LHFPL2: variants seen among roughly 807,000 people sequenced by gnomAD.
The protein encoded by LHFPL2 is LHFPL tetraspan subfamily member 2 protein.
LHFPL2 carries 7 observed loss-of-function variants against 17.5 expected under a neutral mutation model. The observed-to-expected ratio is 0.40, with a 90% CI of 0.23 to 0.75. LHFPL2 has a LOEUF of 0.75. Among genes scored for constraint, LHFPL2 ranks in the 30% least tolerant of loss-of-function variants. LHFPL2 has a pLI of 0.37. For synonymous variants in LHFPL2, 134 were observed against 116.2 expected (o/e 1.15, Z -0.99); for missense variants, 241 against 294.8 (o/e 0.82, Z 1.34).
At chr5:78,519,247 TC>T (rs1755378476) in intron 3 of LHFPL2, among the ~76,000 whole-genome samples, 1 of 152,152 alleles carries the variant, frequency 6.6e-6, no homozygotes, top group Non-Finnish European at 1.5e-5. Context: ...AAGGAGCATG[TC>T]CCTGGGGTGC....
chr5:78,601,774 G>C (rs997316640), intron 2 of LHFPL2, among the ~76,000 whole-genome samples: 3 of 152,120 alleles, frequency 2.0e-5, no homozygotes, highest in Non-Finnish European at 4.4e-5. Context: ...GGAGAGGCTG[G>C]GGGGAATGCT....
chr5:78,629,563 C>T (rs141749012), intron 2 of LHFPL2, among the ~76,000 whole-genome samples: 292 of 152,296 alleles, frequency 1.9e-3, no homozygotes, highest in Non-Finnish European at 3.6e-3. Flanking sequence ...GGAACTACAA[C>T]TAAAGATAAA....
intron 3 of LHFPL2, among the ~76,000 whole-genome samples, chr5:78,557,466 G>A (rs1651064776): frequency 6.6e-6 from 1 of 152,174 alleles, no homozygotes; most frequent in Non-Finnish European, 1.5e-5. Context: ...AAATGGATCG[G>A]ACTTCAACTG....
At chr5:78,601,771 C>CT (rs1012796043) in intron 2 of LHFPL2, among the ~76,000 whole-genome samples, 2 of 152,094 alleles carry the variant, frequency 1.3e-5, no homozygotes, top group Non-Finnish European at 2.9e-5. Context: ...GGTGGAGAGG[C>CT]TGGGGGGAAT....
Position 78,487,285 on chromosome 5 carries a change from A to AC in LHFPL2, c.*1611dup, listed in dbSNP as rs1754280632. The AC allele has an allele frequency of 6.6e-6, 1 of 152,230 alleles. No homozygotes were observed. The highest frequency in any genetic ancestry group is 2.4e-5 in the African/African-American group (1 of 41,468). 9.4% of individuals were successfully genotyped at this position (152,230 alleles called of 1,614,324 possible). A position where few individuals can be genotyped will look rare whatever the true frequency, so the allele number is the denominator to read the frequency against. On this transcript the variant is annotated 3_prime_UTR_variant, in exon 5 of 5. Coordinates refer to ENST00000380345, the MANE Select transcript of LHFPL2 (RefSeq NM_005779.3). Reference sequence around the variant, plus strand: ...ATCTCTGTATAATTATCTGTTCTGCACCAAGATACGGTGCTTTAGACTCAG... The same window carrying AC: ...ATCTCTGTATAATTATCTGTTCTGCACCCAAGATACGGTGCTTTAGACTCAG...
intron 3 of LHFPL2, among the ~76,000 whole-genome samples, chr5:78,524,917 A>G (rs1018919875): frequency 1.3e-5 from 2 of 152,200 alleles, no homozygotes; most frequent in Admixed American, 6.5e-5. Flanking sequence ...AAACTTCAGA[A>G]CATTGTGTGG....
At chr5:78,639,422 G>A (rs560082691) in intron 1 of LHFPL2, among the ~76,000 whole-genome samples, 29 of 152,282 alleles carry the variant, frequency 1.9e-4, no homozygotes, top group African/African-American at 6.0e-4. Context: ...GATCAAAAAT[G>A]ACTTACAGTC....
chr5:78,598,385 G>A (rs1743897977), intron 2 of LHFPL2, among the ~76,000 whole-genome samples: 1 of 152,190 alleles, frequency 6.6e-6, no homozygotes, highest in Admixed American at 6.5e-5. Context: ...AAGCCATGAG[G>A]TATCCAACAA....
At chr5:78,579,147 A>C (rs1757214673) in intron 2 of LHFPL2, among the ~76,000 whole-genome samples, 1 of 152,132 alleles carries the variant, frequency 6.6e-6, no homozygotes, top group Non-Finnish European at 1.5e-5. Flanking sequence ...GCAAAGCAAA[A>C]CACCCTCACA....
At chr5:78,495,971 G>A (rs145980749) in intron 4 of LHFPL2, among the ~76,000 whole-genome samples, 148 of 152,280 alleles carry the variant, frequency 9.7e-4, no homozygotes, top group African/African-American at 3.3e-3. Context: ...CCCCTTGGAC[G>A]CTCACGCATC....
At position 78,632,383 on chromosome 5, in the gene LHFPL2, G is replaced by A. The variant is rs1024309265; in HGVS notation, c.-349-15C>T. The A allele has an allele frequency of 6.6e-6, 1 of 152,132 alleles. No individual in the cohort carries two copies. The highest frequency in any genetic ancestry group is 2.4e-5 in the African/African-American group (1 of 41,432). 9.4% of individuals were successfully genotyped at this position (152,132 alleles called of 1,614,324 possible). ...TCCCAACTCACCTGAAAAACAATTG[G>A]AAAAAGTCATTTTTATTATTAACGG... is the stretch of plus-strand genomic sequence containing the variant. On this transcript the variant is annotated splice_polypyrimidine_tract_variant and intron_variant, in intron 1 of 4. Transcript: ENST00000380345.
intron 2 of LHFPL2, among the ~76,000 whole-genome samples, chr5:78,566,899 C>T (rs1419030300): frequency 6.6e-6 from 1 of 152,310 alleles, no homozygotes. Flanking sequence ...AAATATGCCA[C>T]TAGGATTATT....
intron 2 of LHFPL2, among the ~76,000 whole-genome samples, chr5:78,604,350 G>A (rs1345581487): frequency 2.6e-5 from 4 of 151,946 alleles, no homozygotes; most frequent in South Asian, 2.1e-4. Flanking sequence ...GGTGGTGGGC[G>A]CCTGTAATCC....
chr5:78,544,860 C>T (rs1390008484), intron 3 of LHFPL2, among the ~76,000 whole-genome samples: 1 of 152,182 alleles, frequency 6.6e-6, no homozygotes, highest in Non-Finnish European at 1.5e-5. Flanking sequence ...GTCTGCTTTT[C>T]AGTAACCAGG....
At chr5:78,545,225 T>C (rs1756234794) in intron 3 of LHFPL2, among the ~76,000 whole-genome samples, 1 of 152,200 alleles carries the variant, frequency 6.6e-6, no homozygotes, top group African/African-American at 2.4e-5. Flanking sequence ...TGGCTGATAC[T>C]TAGCCACTTC....
At chr5:78,512,767 C>CTTTT (rs34696428) in intron 3 of LHFPL2, among the ~76,000 whole-genome samples, 82 of 137,830 alleles carry the variant, frequency 5.9e-4, no homozygotes, top group East Asian at 3.0e-3. Flanking sequence ...TTTTTCTTTT[C>CTTTT]TTTTTTTTTT....
chr5:78,522,588 T>C (rs574757425), intron 3 of LHFPL2, among the ~76,000 whole-genome samples: 13 of 152,262 alleles, frequency 8.5e-5, no homozygotes, highest in African/African-American at 3.1e-4. Flanking sequence ...AGTTCTAAAG[T>C]GGTAAGGCAA....
chr5:78,571,548 C>T (rs371008003), intron 2 of LHFPL2, among the ~76,000 whole-genome samples: 2 of 152,302 alleles, frequency 1.3e-5, no homozygotes, highest in South Asian at 4.1e-4. Flanking sequence ...CTCACATTTA[C>T]AAACTGTGGC....
chr5:78,633,519 C>T (rs1420697142), intron 1 of LHFPL2, among the ~76,000 whole-genome samples: 1 of 152,226 alleles, frequency 6.6e-6, no homozygotes, highest in Non-Finnish European at 1.5e-5. Flanking sequence ...TTTCACAAGT[C>T]CTCTGGGTGA....
Sources: allele counts gnomAD v4.1 joint callset (sites outside exome capture counted in the v4.1 genomes callset), GRCh38; gene constraint gnomAD v4.1.1; transcripts MANE v1.5; gene names NCBI Gene and HGNC (gene_info 2026-07-23, HGNC 2026-07-21).